The following EDIL3 variants were observed in gnomAD, a reference collection of about 807,000 sequenced individuals.
The protein encoded by EDIL3 is EGF-like repeat and discoidin I-like domain-containing protein 3.
EDIL3 carries 37 observed loss-of-function variants against 67.4 expected under a neutral mutation model. The observed-to-expected ratio is 0.55, with a 90% confidence interval of 0.42 to 0.72. EDIL3 has a LOEUF of 0.72. EDIL3 is among the 30% of genes least tolerant of loss of function. The pLI is 0.00. For missense variants in EDIL3, 527 were observed against 586.3 expected (o/e 0.90, Z 1.04); for synonymous variants, 195 against 196.3 (o/e 0.99, Z 0.05).
chr5:84,384,346 A>C lies in EDIL3; in HGVS notation c.29T>G (p.Leu10Trp). 1.2e-6 allele frequency: 2 copies of C among 1,612,148 alleles called. No homozygotes were observed. The highest frequency in any genetic ancestry group is 2.2e-5 in the South Asian group (2 of 90,776). The part of the protein sequence containing the change: MKRSVAVWL[L>W]VGLSLGVPQF... ...GGGGACACCGAGGCTGAGCCCGACC[A>C]AGAGCCAGACGGCTACCGAGCGCTT... Residue 10 changes from leucine to tryptophan, a missense_variant, in exon 1 of 11, where the codon TTG (leucine) becomes TGG (tryptophan). Leu to Trp is a moderately conservative substitution (Grantham distance 61). This residue lies in a region of EDIL3 where 494 missense variants were observed against 522.5 expected (regional missense o/e 0.95). Transcript: ENST00000296591.
At chr5:83,980,237 G>T (rs905277640) in intron 9 of EDIL3, among the ~76,000 whole-genome samples, 3 of 149,038 alleles carry the variant, frequency 2.0e-5, no homozygotes, top group Non-Finnish European at 3.0e-5. Flanking sequence ...CTTGAGGTGT[G>T]TGTTTTTTTT....
intron 1 of EDIL3, among the ~76,000 whole-genome samples, chr5:84,263,865 C>T (rs989115618): frequency 6.6e-6 from 1 of 152,046 alleles, no homozygotes; most frequent in African/African-American, 2.4e-5. Context: ...GATGAATGAG[C>T]CTCGGAGTAC....
At chr5:84,008,092 C>T (rs1745453021) in intron 9 of EDIL3, among the ~76,000 whole-genome samples, 1 of 152,032 alleles carries the variant, frequency 6.6e-6, no homozygotes, top group African/African-American at 2.4e-5. Flanking sequence ...AATTGGACTC[C>T]TGGAGACAGA....
At chr5:84,158,673 G>C (rs1024434496) in intron 4 of EDIL3, among the ~76,000 whole-genome samples, 1 of 151,992 alleles carries the variant, frequency 6.6e-6, no homozygotes, top group Non-Finnish European at 1.5e-5. Context: ...AAATTGGATA[G>C]TTAAAAATAG....
intron 9 of EDIL3, among the ~76,000 whole-genome samples, chr5:84,040,515 TTA>T (rs200126911): frequency 0.025 from 3,727 of 147,698 alleles, 158 homozygotes; most frequent in African/African-American, 0.085. Context: ...AGATATATAA[TTA>T]TATATATATA....
rs114518881 is a variant in EDIL3, at chr5:84,305,551, G to C, written c.68-51339C>G. Among the ~76,000 whole-genome samples the C allele has an allele frequency of 6.8e-3, 1,034 of 152,336 alleles. 6 individuals carry two copies. Among genetic ancestry groups the C allele is most frequent in the African/African-American group, 0.023 (948 of 41,572 alleles). On this transcript the variant is annotated intron_variant, in intron 1 of 10. Coordinates refer to ENST00000296591, the MANE Select transcript of EDIL3 (RefSeq NM_005711.5). ...TTGGTGCTATGTTGCACAATTCCAA[G>C]CTGTGAGTTCTCCTGCTTATCAGTT...
At chr5:84,256,344 AC>A (rs1194776979) in intron 1 of EDIL3, among the ~76,000 whole-genome samples, 2 of 152,138 alleles carry the variant, frequency 1.3e-5, no homozygotes, top group Non-Finnish European at 2.9e-5. Flanking sequence ...AAATGCAGGA[AC>A]AATTACAATT....
At chr5:84,191,499 T>A (rs1334150281) in intron 3 of EDIL3, among the ~76,000 whole-genome samples, 1 of 152,068 alleles carries the variant, frequency 6.6e-6, no homozygotes, top group Non-Finnish European at 1.5e-5. Context: ...GGCTTCCTTG[T>A]GGCAGATTTG....
intron 9 of EDIL3, among the ~76,000 whole-genome samples, chr5:83,964,873 T>C (rs928522099): frequency 1.3e-5 from 2 of 152,058 alleles, no homozygotes; most frequent in African/African-American, 4.8e-5. Context: ...TAATGCAGGA[T>C]GGCAAAACTA....
intron 10 of EDIL3, among the ~76,000 whole-genome samples, chr5:83,961,948 C>G (rs1365553826): frequency 6.6e-6 from 1 of 151,312 alleles, no homozygotes; most frequent in Non-Finnish European, 1.5e-5. Flanking sequence ...AAGATGTTAA[C>G]ATGTGAAATG....
chr5:83,949,211 G>A (rs941222136), intron 10 of EDIL3, among the ~76,000 whole-genome samples: 1 of 151,680 alleles, frequency 6.6e-6, no homozygotes, highest in Non-Finnish European at 1.5e-5. Flanking sequence ...TGACAGAAAG[G>A]AACAGAGAGC....
intron 5 of EDIL3, among the ~76,000 whole-genome samples, chr5:84,116,684 A>G (rs933740251): frequency 2.6e-5 from 4 of 152,240 alleles, no homozygotes; most frequent in African/African-American, 9.6e-5. Flanking sequence ...TTGTATTTAC[A>G]GTGGCTTTGG....
chr5:84,299,732 A>G (rs1746119924), intron 1 of EDIL3, among the ~76,000 whole-genome samples: 2 of 152,178 alleles, frequency 1.3e-5, no homozygotes, highest in African/African-American at 4.8e-5. Context: ...TAATGTACTT[A>G]ATGACCTTTG....
At chr5:84,343,501 G>T (rs1580090058) in intron 1 of EDIL3, among the ~76,000 whole-genome samples, 2 of 151,996 alleles carry the variant, frequency 1.3e-5, no homozygotes, top group East Asian at 3.9e-4. Flanking sequence ...TCTATTGTAA[G>T]ACAGGCCAGC....
intron 5 of EDIL3, among the ~76,000 whole-genome samples, chr5:84,125,364 T>A (rs890591994): frequency 6.6e-6 from 1 of 152,138 alleles, no homozygotes; most frequent in African/African-American, 2.4e-5. Context: ...TTGCAAAATG[T>A]CTAAGTTTTT....
chr5:84,047,980 T>C (rs915470319), intron 9 of EDIL3: 2 of 152,516 alleles, frequency 1.3e-5, no homozygotes, highest in African/African-American at 4.8e-5. Flanking sequence ...GTATGTGGTT[T>C]AAAAAAATGA....
At chr5:84,375,772 G>C (rs1030503534) in intron 1 of EDIL3, among the ~76,000 whole-genome samples, 16 of 152,156 alleles carry the variant, frequency 1.1e-4, no homozygotes, top group African/African-American at 3.6e-4. Flanking sequence ...CACTTCCCAA[G>C]TGCTCATCTT....
At chr5:84,127,175 G>T (rs1459724353) in intron 5 of EDIL3, among the ~76,000 whole-genome samples, 2 of 151,960 alleles carry the variant, frequency 1.3e-5, no homozygotes, top group Non-Finnish European at 2.9e-5. Flanking sequence ...TATAACTATA[G>T]TTCTATCCAT....
chr5:84,117,950 G>A (rs1332161097), intron 5 of EDIL3, among the ~76,000 whole-genome samples: 2 of 152,076 alleles, frequency 1.3e-5, no homozygotes, highest in Non-Finnish European at 2.9e-5. Context: ...AATAGTGACT[G>A]AATTTTCTTA....
Sources: gnomAD v4.1 joint callset for allele counts (sites outside exome capture counted in the v4.1 genomes callset) on GRCh38, gnomAD v4.1.1 for gene constraint, gnomAD v4.1.1 regional missense constraint, MANE v1.5 for transcripts, NCBI Gene and HGNC (gene_info 2026-07-23, HGNC 2026-07-21) for gene names.